The following HDAC8 variants were observed in gnomAD, a reference collection of about 807,000 sequenced individuals.
The protein encoded by HDAC8 is histone deacetylase 8.
A neutral mutation model predicts 32.2 loss-of-function variants in HDAC8; 1 was observed. That is an observed-to-expected ratio of 0.03 (90% CI 0.01 to 0.15). The LOEUF is 0.15. Among genes scored for constraint, HDAC8 ranks in the 10% least tolerant of loss-of-function variants. HDAC8 has a pLI of 1.00. For missense variants in HDAC8, 117 were observed against 300.0 expected (o/e 0.39, Z 4.51); for synonymous variants, 108 against 113.9 (o/e 0.95, Z 0.33).
At chrX:72,430,371 C>T (rs999630293) in intron 9 of HDAC8, among the ~76,000 whole-genome samples, 1 of 112,625 alleles carries the variant, frequency 8.9e-6, no homozygotes, top group Non-Finnish European at 1.9e-5. Context: ...CAAATAAACA[C>T]CTTCTTGTGA....
chrX:72,571,099 T>C (rs1426924051), intron 2 of HDAC8, among the ~76,000 whole-genome samples: 2 of 110,507 alleles, frequency 1.8e-5, no homozygotes, highest in African/African-American at 6.6e-5. Context: ...TAATTTTTTG[T>C]ATTTTTAGTA....
At chrX:72,416,408 GTTTTTTTTTTTTTTTTTTTTTT>G (rs549411405) in intron 9 of HDAC8, among the ~76,000 whole-genome samples, 2 of 3,694 alleles carry the variant, frequency 5.4e-4, no homozygotes, top group Non-Finnish European at 8.5e-4. Context: ...TGTCTTCTCT[GTTTTTTTTTTTTTTTTTTTTTT>G]TTTTTTTTTT....
chrX:72,474,820 T>C, intron 7 of HDAC8: 1 of 533,274 alleles, frequency 1.9e-6, no homozygotes, highest in Non-Finnish European at 3.2e-6. Context: ...TACTCCCTTT[T>C]CTTTGATTCC....
At chrX:72,433,904 A>G (rs782485696) in intron 9 of HDAC8, among the ~76,000 whole-genome samples, 3 of 112,395 alleles carry the variant, frequency 2.7e-5, no homozygotes, top group African/African-American at 9.7e-5. Flanking sequence ...GGTAACTTAC[A>G]TAAGCCTCAC....
chrX:72,373,085 T>C (rs1345288645), intron 9 of HDAC8, among the ~76,000 whole-genome samples: 1 of 111,725 alleles, frequency 9.0e-6, no homozygotes, highest in African/African-American at 3.3e-5. Context: ...GGCTTAAAGC[T>C]ATTAAGTGAC....
intron 9 of HDAC8, among the ~76,000 whole-genome samples, chrX:72,433,180 A>T (rs2046864580): frequency 1.8e-5 from 2 of 111,639 alleles, no homozygotes; most frequent in South Asian, 7.6e-4. Context: ...CCTGCTCCCC[A>T]GAATATCTGG....
intron 7 of HDAC8, among the ~76,000 whole-genome samples, chrX:72,479,369 G>T (rs1354980900): frequency 5.4e-5 from 6 of 111,618 alleles, no homozygotes; most frequent in Non-Finnish European, 1.1e-4. Context: ...ATGAAGCCCA[G>T]ATTATAGTCA....
chrX:72,555,632 T>C (rs2051257979), intron 4 of HDAC8, among the ~76,000 whole-genome samples: 1 of 112,135 alleles, frequency 8.9e-6, no homozygotes, highest in Admixed American at 9.4e-5. Flanking sequence ...AGCAATATAA[T>C]TGAACAAACA....
intron 9 of HDAC8, among the ~76,000 whole-genome samples, chrX:72,358,375 T>C (rs1338319340): frequency 8.9e-6 from 1 of 111,917 alleles, no homozygotes; most frequent in Non-Finnish European, 1.9e-5. Context: ...ATCACTACTC[T>C]TGTGCTGTGG....
At chrX:72,554,765 C>A (rs781893527) in intron 4 of HDAC8, among the ~76,000 whole-genome samples, 1 of 111,877 alleles carries the variant, frequency 8.9e-6, no homozygotes, top group East Asian at 2.8e-4. Flanking sequence ...CCTACCCCTG[C>A]CTCCACCTGG....
chrX:72,498,582 T>C (rs1187815566), intron 4 of HDAC8, among the ~76,000 whole-genome samples: 5 of 112,092 alleles, frequency 4.5e-5, no homozygotes, highest in African/African-American at 1.6e-4. Context: ...ATCATTTACC[T>C]ATGAAATTCT....
chrX:72,402,194 G>A (rs1168504647), intron 9 of HDAC8, among the ~76,000 whole-genome samples: 5 of 110,589 alleles, frequency 4.5e-5, no homozygotes, highest in South Asian at 7.6e-4. Context: ...CTGTAAAATC[G>A]GTGGTAATTT....
intron 7 of HDAC8, chrX:72,474,367 G>C: frequency 1.2e-6 from 1 of 828,924 alleles, no homozygotes; most frequent in Non-Finnish European, 1.5e-6. Flanking sequence ...TACATAGTAG[G>C]CATTCAATAA....
intron 9 of HDAC8, among the ~76,000 whole-genome samples, chrX:72,402,425 TTTTTA>T (rs2045929453): frequency 1.1e-5 from 1 of 89,905 alleles, no homozygotes; most frequent in Non-Finnish European, 1.9e-5. Context: ...TTTTTTTTTT[TTTTTA>T]AGTTTCTTAA....
rs148663831 is a variant in HDAC8, at chrX:72,338,153, C to T, written c.1112-8077G>A. 2.1e-3 allele frequency among the ~76,000 whole-genome samples: 229 copies of T among 111,626 alleles called. 2 individuals carry two copies. The highest frequency in any genetic ancestry group is 2.4e-3 in the Non-Finnish European group (126 of 53,143). ...TTGTGTGTTTGTTTCTTTATTTGCT[C>T]GCTGTTGGCTTCCTCTCACCAGCTC... On this transcript the variant is annotated intron_variant, in intron 10 of 10. Transcript: ENST00000373573.
rs370886731 is a variant in HDAC8 at position 72,572,786 on chromosome X, C to T, written c.-25G>A. 29 of 1,166,712 alleles carry T rather than the reference C, an allele frequency of 2.5e-5. No individual in the cohort carries two copies. Among genetic ancestry groups the T allele is most frequent in the Non-Finnish European group, 3.4e-5 (29 of 856,815 alleles). On this transcript the variant is annotated 5_prime_UTR_variant, in exon 1 of 11. Coordinates refer to ENST00000373573, the MANE Select transcript of HDAC8 (RefSeq NM_018486.3). ...TCTTCCGCTTAAAACCGTTCCGCAG[C>T]CACCTTCCAGATCTGGCTTTTTTCG...
intron 4 of HDAC8, among the ~76,000 whole-genome samples, chrX:72,511,005 G>T (rs782497856): frequency 7.2e-5 from 8 of 111,527 alleles, no homozygotes; most frequent in Non-Finnish European, 1.5e-4. Context: ...GTTCAGCCCA[G>T]ATTTAGTCAC....
intron 7 of HDAC8, among the ~76,000 whole-genome samples, chrX:72,470,440 T>C (rs2048140566): frequency 9.0e-6 from 1 of 111,497 alleles, no homozygotes; most frequent in Admixed American, 9.6e-5. Flanking sequence ...GCTTAATTTA[T>C]CCCTGTGAGC....
intron 7 of HDAC8, among the ~76,000 whole-genome samples, chrX:72,475,815 AAACCAACCAACC>A (rs1166696343): frequency 8.9e-6 from 1 of 111,996 alleles, no homozygotes; most frequent in Non-Finnish European, 1.9e-5. Flanking sequence ...TTAAACTCCC[AAACCAACCAACC>A]AACCAAACAA....
Sources: allele counts gnomAD v4.1 joint callset (sites outside exome capture counted in the v4.1 genomes callset), GRCh38; gene constraint gnomAD v4.1.1; transcripts MANE v1.5; gene names NCBI Gene and HGNC (gene_info 2026-07-23, HGNC 2026-07-21).